The following SPATA17 variants were observed in gnomAD, a reference collection of about 807,000 sequenced individuals.
SPATA17 encodes the protein spermatogenesis-associated protein 17.
Under a neutral mutation model 62.2 loss-of-function variants are expected in SPATA17, and 53 were observed. That is an observed-to-expected ratio of 0.85 (90% CI 0.68 to 1.07). The LOEUF (loss-of-function observed/expected upper bound fraction) is 1.07, where lower values mean the gene tolerates loss of function less well. Among genes scored for constraint, SPATA17 ranks in the 50% least tolerant of loss-of-function variants. The pLI, the probability that SPATA17 is intolerant of heterozygous loss-of-function variation, is 0.00. For missense variants in SPATA17, 466 were observed against 425.5 expected (o/e 1.10, Z -0.84); for synonymous variants, 146 against 146.8 (o/e 0.99, Z 0.04).
Position 217,643,878 on chromosome 1 carries a change from AC to A in SPATA17, c.69-5002del. Reference sequence around the variant, plus strand: ...CAAGTAGCTGGGATTACAGGCACCCACCATCATGTCTGGCTAATTTTTGTAT... The same window carrying A: ...CAAGTAGCTGGGATTACAGGCACCCACATCATGTCTGGCTAATTTTTGTAT... On this transcript the variant is annotated intron_variant, in intron 1 of 10. Transcript: ENST00000366933. 1.3e-5 allele frequency among the ~76,000 whole-genome samples: 2 copies of A among 151,810 alleles called. 1 individual carries two copies. The highest frequency in any genetic ancestry group is 1.3e-4 in the Admixed American group (2 of 15,218).
chr1:217,650,704 A>G (rs560063592), intron 2 of SPATA17, among the ~76,000 whole-genome samples: 10 of 152,210 alleles, frequency 6.6e-5, no homozygotes, highest in Non-Finnish European at 1.5e-4. Context: ...GATTACGGGC[A>G]TGAGCCACTG....
chr1:217,865,731 T>A (rs1185528317), intron 10 of SPATA17, among the ~76,000 whole-genome samples: 1 of 152,164 alleles, frequency 6.6e-6, no homozygotes, highest in East Asian at 1.9e-4. Flanking sequence ...GTTGTAATTT[T>A]ATGAATTGTA....
At chr1:217,850,500 A>T in intron 9 of SPATA17, 1 of 1,533,450 alleles carries the variant, frequency 6.5e-7, no homozygotes, top group African/African-American at 1.4e-5. Flanking sequence ...CATGCCTGCA[A>T]AGATGAGCCT....
chr1:217,832,306 A>G (rs1264456784), intron 9 of SPATA17, among the ~76,000 whole-genome samples: 1 of 152,162 alleles, frequency 6.6e-6, no homozygotes, highest in Non-Finnish European at 1.5e-5. Flanking sequence ...CTAAAAATAT[A>G]CCAGAAAACA....
intron 1 of SPATA17, among the ~76,000 whole-genome samples, chr1:217,634,889 T>C (rs1196661172): frequency 7.7e-6 from 1 of 129,058 alleles, no homozygotes; most frequent in African/African-American, 3.0e-5. Flanking sequence ...TGACAGAGTA[T>C]TGGCCTTTTT....
chr1:217,697,234 G>C (rs1173774307), intron 5 of SPATA17, among the ~76,000 whole-genome samples: 3 of 152,158 alleles, frequency 2.0e-5, no homozygotes, highest in African/African-American at 7.2e-5. Context: ...GACTGCCTCG[G>C]CCTCCCAAAG....
chr1:217,855,784 T>C (rs1406666958), intron 9 of SPATA17, among the ~76,000 whole-genome samples: 1 of 147,624 alleles, frequency 6.8e-6, no homozygotes, highest in Non-Finnish European at 1.5e-5. Context: ...TGGAGTGCAC[T>C]GGCATGATCT....
At chr1:217,665,425 G>A (rs1341154602) in intron 3 of SPATA17, 2 of 152,128 alleles carry the variant, frequency 1.3e-5, no homozygotes, top group Non-Finnish European at 2.9e-5. Context: ...AATTAATCTA[G>A]AAGAACTGTT....
chr1:217,731,750 A>C (rs1371084223), intron 5 of SPATA17, among the ~76,000 whole-genome samples: 1 of 152,176 alleles, frequency 6.6e-6, no homozygotes, highest in Non-Finnish European at 1.5e-5. Context: ...TGAACACTTG[A>C]ATCATATTGT....
intron 6 of SPATA17, among the ~76,000 whole-genome samples, chr1:217,757,876 A>G (rs964996355): frequency 1.3e-5 from 2 of 152,214 alleles, no homozygotes; most frequent in African/African-American, 4.8e-5. Flanking sequence ...AGGATCATGT[A>G]AGGATGCTTT....
At chr1:217,811,303 CAGGCGTGAGCCACCACACCCAGAGATTGT>C (rs1454384618) in intron 9 of SPATA17, among the ~76,000 whole-genome samples, 2 of 152,152 alleles carry the variant, frequency 1.3e-5, no homozygotes, top group Non-Finnish European at 2.9e-5. Context: ...GCTGGGATTA[CAGGCGTGAGCCACCACACCCAGAGATTGT>C]AGGTATTCTT....
At chr1:217,750,207 A>G (rs553934028) in intron 6 of SPATA17, among the ~76,000 whole-genome samples, 2 of 151,722 alleles carry the variant, frequency 1.3e-5, no homozygotes, top group East Asian at 1.9e-4. Context: ...TAGAAAGGAG[A>G]CATATTAGCT....
chr1:217,653,175 G>A (rs996081686), intron 3 of SPATA17, among the ~76,000 whole-genome samples: 1 of 152,080 alleles, frequency 6.6e-6, no homozygotes, highest in Admixed American at 6.6e-5. Flanking sequence ...AGATACATAG[G>A]CATACAATTT....
At chr1:217,679,394 T>C (rs11117904) in intron 4 of SPATA17, among the ~76,000 whole-genome samples, 7,347 of 152,184 alleles carry the variant, frequency 0.048, 579 homozygotes, top group African/African-American at 0.17. Context: ...AAGGATATTG[T>C]GAGAATAAAA....
rs530938801 is a variant in SPATA17 at position 217,657,997 on chromosome 1, T to G, written c.240+6819T>G. On this transcript the variant is annotated intron_variant, in intron 3 of 10. Transcript: ENST00000366933. ...CCCCCTATAAAACCATCAGATCTTG[T>G]GAGACTTGTTCCCTATCTATGAGGA... Among the ~76,000 whole-genome samples, 6 of 152,302 alleles carry G rather than the reference T, an allele frequency of 3.9e-5. No individual in the cohort carries two copies. In the East Asian group the frequency reaches 1.2e-3, roughly 29 times the overall value.
At chr1:217,778,736 C>T (rs1308150567) in intron 7 of SPATA17, among the ~76,000 whole-genome samples, 1 of 152,152 alleles carries the variant, frequency 6.6e-6, no homozygotes, top group Non-Finnish European at 1.5e-5. Context: ...ATATTCACAA[C>T]ATTAACCATT....
At chr1:217,641,926 T>A (rs541089862) in intron 1 of SPATA17, among the ~76,000 whole-genome samples, 1 of 152,348 alleles carries the variant, frequency 6.6e-6, no homozygotes, top group Admixed American at 6.5e-5. Context: ...TCTCTTTAGT[T>A]ATCTTTAATA....
intron 7 of SPATA17, among the ~76,000 whole-genome samples, chr1:217,775,436 G>A (rs772946092): frequency 9.2e-5 from 14 of 152,094 alleles, no homozygotes; most frequent in Non-Finnish European, 1.9e-4. Context: ...TGGGCACAGT[G>A]GTTCACGCCT....
chr1:217,844,825 G>A (rs1675487575), intron 9 of SPATA17, among the ~76,000 whole-genome samples: 1 of 152,002 alleles, frequency 6.6e-6, no homozygotes, highest in Admixed American at 6.6e-5. Context: ...TAGTTATTAA[G>A]TCATGATTAT....
Sources: gnomAD v4.1 joint callset for allele counts (sites outside exome capture counted in the v4.1 genomes callset) on GRCh38, gnomAD v4.1.1 for gene constraint, MANE v1.5 for transcripts, NCBI Gene and HGNC (gene_info 2026-07-23, HGNC 2026-07-21) for gene names.